Variants in GRIP1 observed in about 807,000 individuals in gnomAD.
GRIP1 encodes the protein glutamate receptor-interacting protein 1.
In GRIP1, 45 loss-of-function variants were observed where a neutral mutation model predicts 129.9. The ratio of observed to expected loss-of-function variants is 0.35; its 90% CI spans 0.27 to 0.44. The LOEUF is 0.44. Ranked by LOEUF, GRIP1 falls within the 20% of genes least tolerant of loss-of-function variation. The pLI is 1.00. For synonymous variants in GRIP1, 530 were observed against 520.8 expected, an observed-to-expected ratio of 1.02 and a Z score of -0.24; for missense variants, 1,196 against 1,396.8, an observed-to-expected ratio of 0.86 and a Z score of 2.29.
intron 14 of GRIP1, among the ~76,000 whole-genome samples, chr12:66,422,106 A>G (rs767350810): frequency 6.6e-6 from 1 of 152,190 alleles, no homozygotes; most frequent in Non-Finnish European, 1.5e-5. Context: ...TCACCCCATA[A>G]TAATCATAGA....
intron 1 of GRIP1, among the ~76,000 whole-genome samples, chr12:66,731,237 G>C (rs1247637000): frequency 6.6e-6 from 1 of 152,122 alleles, no homozygotes; most frequent in Non-Finnish European, 1.5e-5. Context: ...AGAAGTCTTT[G>C]TTATAAGTAC....
At position 66,848,259 on chromosome 12, in the gene GRIP1, T is replaced by A. The variant is rs189679503; in HGVS notation, c.58+220791A>T. ...CCCTGGCTCTTTCCCTGTCTCCCTC[T>A]CTCTTTCCACTCCTCTTCTCTCTCT... is the stretch of plus-strand genomic sequence containing the variant. On this transcript the variant is annotated intron_variant, in intron 1 of 1. Coordinates refer to the GRIP1 transcript ENST00000643019. Among the ~76,000 whole-genome samples, 3 of 152,144 alleles carry A rather than the reference T, an allele frequency of 2.0e-5. No individual in the cohort carries two copies. In the East Asian group the frequency reaches 5.8e-4, roughly 29 times the overall value.
At chr12:66,870,133 C>T (rs965446848) in intron 1 of GRIP1, among the ~76,000 whole-genome samples, 1 of 152,014 alleles carries the variant, frequency 6.6e-6, no homozygotes, top group African/African-American at 2.4e-5. Context: ...GGATTGAGAA[C>T]CATCGCTTTA....
At chr12:67,060,035 T>C (rs1407686498) in intron 1 of GRIP1, among the ~76,000 whole-genome samples, 1 of 152,078 alleles carries the variant, frequency 6.6e-6, no homozygotes, top group East Asian at 1.9e-4. Context: ...ACCCCATGCC[T>C]GTGACAGGAA....
At chr12:66,443,667 G>A (rs553554585) in intron 13 of GRIP1, among the ~76,000 whole-genome samples, 4 of 152,042 alleles carry the variant, frequency 2.6e-5, no homozygotes, top group African/African-American at 9.6e-5. Flanking sequence ...AGTTGGCCAG[G>A]CTAGTCTCGA....
At chr12:66,539,053 G>A (rs2061691720) in intron 4 of GRIP1, 25 bp downstream of exon 4, 3 of 1,592,812 alleles carry the variant, frequency 1.9e-6, no homozygotes, top group South Asian at 2.2e-5. Context: ...TATCCCCTAT[G>A]GATAAGGGGG....
At chr12:66,377,493 A>AC (rs2055856318) in intron 20 of GRIP1, among the ~76,000 whole-genome samples, 1 of 145,234 alleles carries the variant, frequency 6.9e-6, no homozygotes, top group Admixed American at 7.0e-5. Flanking sequence ...ACGCCTGGCT[A>AC]ATTTTTTTTT....
At chr12:66,397,133 A>AG (rs71967148) in intron 16 of GRIP1, among the ~76,000 whole-genome samples, 1 of 150,874 alleles carries the variant, frequency 6.6e-6, no homozygotes, top group African/African-American at 2.4e-5. Flanking sequence ...AAAAAAAAAA[A>AG]AGAGAAAAGG....
intron 2 of GRIP1, among the ~76,000 whole-genome samples, chr12:66,581,327 A>C (rs2139613832): frequency 6.6e-6 from 1 of 151,590 alleles, no homozygotes; most frequent in Middle Eastern, 3.4e-3. Flanking sequence ...TGACACCCTA[A>C]CATCACAATT....
At chr12:66,485,498 T>C (rs1464906218) in intron 7 of GRIP1, among the ~76,000 whole-genome samples, 1 of 151,898 alleles carries the variant, frequency 6.6e-6, no homozygotes, top group Non-Finnish European at 1.5e-5. Context: ...TTGTTGGATA[T>C]GTGATTTGCA....
chr12:66,416,099 C>T (rs530773647), intron 15 of GRIP1, among the ~76,000 whole-genome samples: 222 of 151,566 alleles, frequency 1.5e-3, no homozygotes, highest in African/African-American at 5.0e-3. Flanking sequence ...AAAAAAAACA[C>T]GACGAATTTT....
intron 1 of GRIP1, among the ~76,000 whole-genome samples, chr12:66,854,549 T>C (rs2039970905): frequency 6.6e-6 from 1 of 152,044 alleles, no homozygotes; most frequent in African/African-American, 2.4e-5. Context: ...TATAATCTCA[T>C]TGAATCCTCA....
At chr12:66,827,381 TGTGTGTGAGAGAGAGAGA>T (rs1432130509) in intron 1 of GRIP1, among the ~76,000 whole-genome samples, 2 of 96,272 alleles carry the variant, frequency 2.1e-5, no homozygotes, top group Non-Finnish European at 4.5e-5. Flanking sequence ...TGTGTGTGTG[TGTGTGTGAGAGAGAGAGA>T]GAGAGAGAGA....
chr12:66,458,513 T>C (rs1029745552), intron 9 of GRIP1, among the ~76,000 whole-genome samples: 2 of 152,326 alleles, frequency 1.3e-5, no homozygotes, highest in Non-Finnish European at 1.5e-5. Flanking sequence ...CCCTACCCAG[T>C]AGCTGGGATT....
chr12:66,926,118 C>A (rs1294150526), intron 1 of GRIP1, among the ~76,000 whole-genome samples: 1 of 152,152 alleles, frequency 6.6e-6, no homozygotes, highest in Non-Finnish European at 1.5e-5. Flanking sequence ...AAACATTCTG[C>A]AAGGAGTGCT....
chr12:66,933,659 T>C (rs938783967), intron 1 of GRIP1, among the ~76,000 whole-genome samples: 5 of 152,168 alleles, frequency 3.3e-5, no homozygotes, highest in Non-Finnish European at 5.9e-5. Context: ...AGGGAGCTTA[T>C]ATTTTAGTGA....
At chr12:66,899,626 A>C (rs1258015467) in intron 1 of GRIP1, among the ~76,000 whole-genome samples, 1 of 152,024 alleles carries the variant, frequency 6.6e-6, no homozygotes, top group Admixed American at 6.6e-5. Flanking sequence ...TGGCCTCCCA[A>C]AGCACTGGGA....
intron 2 of GRIP1, among the ~76,000 whole-genome samples, chr12:66,589,809 A>G (rs1438312277): frequency 2.0e-5 from 3 of 152,274 alleles, no homozygotes; most frequent in East Asian, 3.9e-4. Flanking sequence ...CTGAGTCAAT[A>G]TAAGGTCAAT....
intron 10 of GRIP1, among the ~76,000 whole-genome samples, chr12:66,455,830 C>T (rs1239749039): frequency 6.6e-6 from 1 of 152,208 alleles, no homozygotes; most frequent in Non-Finnish European, 1.5e-5. Flanking sequence ...AAAAGAACAA[C>T]TTTGTCCATG....
Sources: allele counts gnomAD v4.1 joint callset (sites outside exome capture counted in the v4.1 genomes callset), GRCh38; gene constraint gnomAD v4.1.1; transcripts MANE v1.5; gene names NCBI Gene and HGNC (gene_info 2026-07-23, HGNC 2026-07-21).